The following VPS37B variants were observed in gnomAD, a reference collection of about 807,000 sequenced individuals.
VPS37B encodes the protein VPS37B subunit of ESCRT-I, also known as vacuolar protein sorting-associated protein 37B.
Under a neutral mutation model 21.2 loss-of-function variants are expected in VPS37B, and 11 were observed. That is an observed-to-expected ratio of 0.52 (90% CI 0.33 to 0.86). VPS37B has a LOEUF of 0.86. Among genes scored for constraint, VPS37B ranks in the 40% least tolerant of loss-of-function variants. The probability of loss-of-function intolerance (pLI) is 0.03; values close to 1 mark genes in which losing one functional copy is unlikely to be tolerated. For missense variants in VPS37B, 389 were observed against 374.8 expected, an observed-to-expected ratio of 1.04 and a Z score of -0.31; for synonymous variants, 175 against 159.6, an observed-to-expected ratio of 1.10 and a Z score of -0.73.
chr12:122,886,465 CAA>C (rs1160258238), intron 1 of VPS37B: 1 of 152,128 alleles, frequency 6.6e-6, no homozygotes, highest in Non-Finnish European at 1.5e-5. Context: ...CACTAGAAAT[CAA>C]AAAAGTCAGC....
intron 1 of VPS37B, among the ~76,000 whole-genome samples, chr12:122,891,943 C>T (rs2034417904): frequency 6.6e-6 from 1 of 152,178 alleles, no homozygotes; most frequent in Admixed American, 6.5e-5. Context: ...CAAAGATCCC[C>T]AATTTGAATT....
intron 1 of VPS37B, chr12:122,888,634 C>T: frequency 2.2e-6 from 1 of 455,868 alleles, no homozygotes; most frequent in South Asian, 1.6e-5. Flanking sequence ...TACGACCGAC[C>T]GGTGAGGGTC....
In VPS37B at chr12:122,868,639, A is replaced by G. The variant is rs761294191; in HGVS notation, c.284-77T>C. On this transcript the variant is annotated intron_variant, in intron 2 of 3. Transcript: ENST00000267202. This position sits in a 1 kb window ranked among gnomAD's most constrained non-coding sequence, Gnocchi z 5.5. ...CCTTCATGATGCCAACCACGGCAGG[A>G]TTGCACCTTCCTTTCCAGGAAGCTG... The G allele has an allele frequency of 5.5e-4, 699 of 1,262,726 alleles. 1 individual carries two copies. Among genetic ancestry groups the G allele is most frequent in the Non-Finnish European group, 7.5e-4 (667 of 885,384 alleles). 78.2% of individuals were successfully genotyped at this position (1,262,726 alleles called of 1,614,324 possible). A position where few individuals can be genotyped will look rare whatever the true frequency, so the allele number is the denominator to read the frequency against.
Position 122,870,846 on chromosome 12 carries a change from T to C in VPS37B, c.283+44A>G, listed in dbSNP as rs751466342. The C allele has an allele frequency of 4.4e-6, 7 of 1,575,994 alleles. No homozygotes were observed. In the Admixed American group the frequency reaches 5.6e-5, roughly 13 times the overall value. ...GGGCAATAGCTTGAAAATGTGTCCT[T>C]CTCTCAACTCTTTATTCTCGAATGA... is the stretch of plus-strand genomic sequence containing the variant. On this transcript the variant is annotated intron_variant, in intron 2 of 3. Coordinates refer to ENST00000267202, the MANE Select transcript of VPS37B (RefSeq NM_024667.3).
At chr12:122,889,768 C>T (rs2034387239) in intron 1 of VPS37B, 2 of 152,020 alleles carry the variant, frequency 1.3e-5, no homozygotes, top group Admixed American at 1.3e-4. Flanking sequence ...TGCTTCTCTG[C>T]TCCAAAATCA....
intron 1 of VPS37B, among the ~76,000 whole-genome samples, chr12:122,891,463 T>G (rs918526739): frequency 3.9e-5 from 6 of 152,228 alleles, no homozygotes; most frequent in Admixed American, 1.3e-4. Context: ...CTCAGCTCCG[T>G]GCTTTCCATG....
intron 1 of VPS37B, 124 bp downstream of exon 1, chr12:122,895,828 T>G: frequency 4.5e-5 from 30 of 673,114 alleles, no homozygotes; most frequent in East Asian, 2.8e-4. Flanking sequence ...AGCGCCCCCA[T>G]TTCTAGCCCA....
intron 1 of VPS37B, among the ~76,000 whole-genome samples, chr12:122,895,645 C>T (rs547930859): frequency 1.3e-5 from 2 of 152,028 alleles, no homozygotes; most frequent in Non-Finnish European, 2.9e-5. Flanking sequence ...AAGTCCTCAG[C>T]CCCACAAAAC....
At chr12:122,885,654 T>A (rs1294067863) in intron 1 of VPS37B, 2 of 147,816 alleles carry the variant, frequency 1.4e-5, no homozygotes, top group Admixed American at 6.8e-5. Context: ...TTTTCTATAA[T>A]AAACATGTAA....
rs765126811 is a variant in VPS37B, at chr12:122,868,431, G to A, written c.366+49C>T. 2.2e-5 allele frequency: 34 copies of A among 1,567,458 alleles called. No individual in the cohort carries two copies. The highest frequency in any genetic ancestry group is 5.7e-5 in the South Asian group (5 of 87,948). ...CGGTCCCTGGAGGCAGCGGGCCCAC[G>A]GACTGCCCAAAGCGCCCCAAGGATT... On this transcript the variant is annotated intron_variant, in intron 3 of 3. Transcript: ENST00000267202. This position sits in a 1 kb window ranked among gnomAD's most constrained non-coding sequence, Gnocchi z 5.5.
At chr12:122,870,821 G>C in intron 2 of VPS37B, 69 bp downstream of exon 2, 1 of 1,511,634 alleles carries the variant, frequency 6.6e-7, no homozygotes, top group Admixed American at 2.1e-5. Context: ...TTTCCTGGTA[G>C]GGCAATAGCT....
At chr12:122,888,828 G>A (rs907347750) in intron 1 of VPS37B, 2 of 304,206 alleles carry the variant, frequency 6.6e-6, no homozygotes, top group African/African-American at 4.4e-5. Context: ...ACAAGCACTT[G>A]GAGGAGAGTG....
intron 2 of VPS37B, 131 bp downstream of exon 2, chr12:122,870,759 G>A: frequency 1.1e-6 from 1 of 876,026 alleles, no homozygotes. Flanking sequence ...TAAGCTATTT[G>A]TTCATTGCAG....
chr12:122,874,254 G>A (rs916904017), intron 1 of VPS37B: 2 of 152,164 alleles, frequency 1.3e-5, no homozygotes, highest in East Asian at 1.9e-4. Flanking sequence ...TCTCAGCCTC[G>A]GCTGTGCCTT....
chr12:122,889,758 T>C (rs1270867160), intron 1 of VPS37B: 1 of 150,106 alleles, frequency 6.7e-6, no homozygotes, highest in African/African-American at 2.4e-5. Flanking sequence ...TTCATCCGAC[T>C]GCTTCTCTGC....
intron 1 of VPS37B, chr12:122,890,210 CTT>C (rs1396580298): frequency 6.6e-6 from 1 of 152,114 alleles, no homozygotes; most frequent in Non-Finnish European, 1.5e-5. Flanking sequence ...AAGTCTGTCT[CTT>C]TTGTTTTGTG....
intron 1 of VPS37B, chr12:122,889,618 AGG>A (rs2034383370): frequency 6.6e-6 from 1 of 150,948 alleles, no homozygotes; most frequent in Non-Finnish European, 1.5e-5. Flanking sequence ...GCTACTTGGG[AGG>A]CTGAGGCAGG....
chr12:122,874,551 T>C (rs1189413140), intron 1 of VPS37B: 1 of 152,176 alleles, frequency 6.6e-6, no homozygotes, highest in East Asian at 1.9e-4. Flanking sequence ...TGGACTATAA[T>C]AAAGACAACT....
rs747470352 is a variant in VPS37B at position 122,871,015 on chromosome 12, C to A, written c.158G>T (p.Arg53Leu). The stretch of plus-strand genomic sequence containing the variant: ...CAAAAGGTTTCCTTCTGCCAGGCTC[C>A]GGTTGCTGGCAAGTGTCATTTCTTT... ...LNKEMTLASN[R>L]SLAEGNLLYQ... is the part of the protein sequence containing the mutation. Residue 53 changes from arginine (R) to leucine (L), a missense_variant, in exon 2 of 4, where the codon CGG (arginine) becomes CTG (leucine). By Grantham distance (102) the Arg-to-Leu change is moderately radical (BLOSUM62 -2). Transcript: ENST00000267202. The A allele has an allele frequency of 3.1e-6, 5 of 1,614,078 alleles. No homozygotes were observed. Among genetic ancestry groups the A allele is most frequent in the Non-Finnish European group, 4.2e-6 (5 of 1,180,038 alleles).
Sources: allele counts gnomAD v4.1 joint callset (sites outside exome capture counted in the v4.1 genomes callset), GRCh38; gene constraint gnomAD v4.1.1; non-coding constraint Gnocchi (gnomAD v3.1); transcripts MANE v1.5; gene names NCBI Gene and HGNC (gene_info 2026-07-23, HGNC 2026-07-21).